The following NLRP1 variants were observed in gnomAD, a reference collection of about 807,000 sequenced individuals.
The protein encoded by NLRP1 is NACHT, LRR and PYD domains-containing protein 1.
A neutral mutation model predicts 136.7 loss-of-function variants in NLRP1; 94 were observed. That is an observed-to-expected ratio of 0.69 (90% confidence interval 0.58 to 0.82). NLRP1 has a LOEUF of 0.82. Ranked by LOEUF, NLRP1 falls within the 40% of genes least tolerant of loss-of-function variation. NLRP1 has a pLI of 0.00. For missense variants in NLRP1, 1,575 were observed against 1,802.7 expected, an observed-to-expected ratio of 0.87 and a Z score of 2.29; for synonymous variants, 690 against 725.1, an observed-to-expected ratio of 0.95 and a Z score of 0.78.
chr17:5,559,189 C>T lies in NLRP1; in HGVS notation c.1507G>A (p.Ala503Thr). The T allele has an allele frequency of 6.2e-7, 1 of 1,614,224 alleles. No homozygotes were observed. The change falls in exon 4 of 17, where the codon GCC becomes ACC. Residue 503 changes from alanine to threonine, a missense_variant. Ala to Thr is a moderately conservative substitution (Grantham distance 58, BLOSUM62 0). Coordinates refer to ENST00000572272, the MANE Select transcript of NLRP1 (RefSeq NM_033004.4). Reference protein sequence around the residue: ...YFTDERQAIRAFRLVKSNKEL... With the variant: ...YFTDERQAIRTFRLVKSNKEL... ...TTGTTTGATTTGACCAACCTAAAGGCTCTAATTGCTTGCCTTTCATCTGTG... is the reference window on the plus strand; with the variant it reads ...TTGTTTGATTTGACCAACCTAAAGGTTCTAATTGCTTGCCTTTCATCTGTG...
intron 8 of NLRP1, among the ~76,000 whole-genome samples, chr17:5,535,160 C>T (rs970947743): frequency 1.3e-5 from 2 of 151,860 alleles, no homozygotes; most frequent in Non-Finnish European, 2.9e-5. Context: ...GCAGAGGTTA[C>T]AGTGAGCCGA....
chr17:5,540,952 C>T (rs993198884), intron 6 of NLRP1, among the ~76,000 whole-genome samples: 6 of 152,178 alleles, frequency 3.9e-5, no homozygotes, highest in African/African-American at 1.4e-4. Context: ...GAAGGCAGCC[C>T]CCTGAGCGGG....
At chr17:5,536,741 G>A in intron 8 of NLRP1, 110 bp downstream of exon 8, 1 of 715,208 alleles carries the variant, frequency 1.4e-6, no homozygotes, top group Non-Finnish European at 2.5e-6. Flanking sequence ...CTGCTGTGGT[G>A]TCTGGGTTTC....
At chr17:5,531,179 T>C (rs968076134) in intron 11 of NLRP1, among the ~76,000 whole-genome samples, 5 of 118,174 alleles carry the variant, frequency 4.2e-5, no homozygotes, top group African/African-American at 1.1e-4. Flanking sequence ...ATCTAATCTA[T>C]CTATCTATCT....
chr17:5,512,117 C>T (rs530575248), downstream of NLRP1: 3 of 793,318 alleles, frequency 3.8e-6, no homozygotes, highest in African/African-American at 1.7e-5. Context: ...TCATAGTCTG[C>T]ACTTATTCCC....
At chr17:5,531,173 A>AATCTATCTATCTATCT (rs5819032) in intron 11 of NLRP1, among the ~76,000 whole-genome samples, 236 of 141,568 alleles carry the variant, frequency 1.7e-3, no homozygotes, top group East Asian at 3.8e-3. Flanking sequence ...TAATCTATCT[A>AATCTATCTATCTATCT]ATCTATCTAT....
At position 5,559,396 on chromosome 17, in the gene NLRP1, G is replaced by A; in HGVS notation, c.1300C>T (p.Gln434Ter). Residue 434 changes from glutamine to a stop codon, truncating the protein, a stop_gained, in exon 4 of 17, where the codon CAG becomes TAG. Coordinates refer to ENST00000572272, the MANE Select transcript of NLRP1 (RefSeq NM_033004.4). LOFTEE classifies it high-confidence loss of function. ...CTGCCCAGCAGTGCATCCGCCGGCT[G>A]TGGCTGGCTCCAGTGCAGACAGAGC... ...SELCLHWSQP[Q>*]PADALLGSLL... 1 of 1,614,112 alleles carries A rather than the reference G, an allele frequency of 6.2e-7. No homozygotes were observed. The highest frequency in any genetic ancestry group is 8.5e-7 in the Non-Finnish European group (1 of 1,179,982).
chr17:5,583,633 A>G lies in NLRP1; in HGVS notation c.271+54T>C. ...TGGTGGGGTCCCAAGAGGGCAGGGC[A>G]GGCATGAGGGCCAGGGGATGTCCCG... On this transcript the variant is annotated intron_variant, in intron 1 of 16. Coordinates refer to ENST00000572272, the MANE Select transcript of NLRP1 (RefSeq NM_033004.4). This position sits in a 1 kb window ranked among gnomAD's most constrained non-coding sequence, Gnocchi z 4.5. 1 of 1,515,482 alleles carries G rather than the reference A, an allele frequency of 6.6e-7. No homozygotes were observed. The highest frequency in any genetic ancestry group is 8.9e-7 in the Non-Finnish European group (1 of 1,124,282). The allele number at this position is 1,515,482 out of a possible 1,614,324, so 93.9% of individuals were successfully genotyped here. A position where few individuals can be genotyped will look rare whatever the true frequency, so the allele number is the denominator to read the frequency against.
At chr17:5,556,121 CA>C (rs2151798591) in intron 4 of NLRP1, among the ~76,000 whole-genome samples, 1 of 122,442 alleles carries the variant, frequency 8.2e-6, no homozygotes, top group East Asian at 2.5e-4. Flanking sequence ...TCTCTACACA[CA>C]CACACACACA....
intron 3 of NLRP1, among the ~76,000 whole-genome samples, chr17:5,576,761 G>C (rs548309691): frequency 6.6e-6 from 1 of 152,084 alleles, no homozygotes; most frequent in East Asian, 1.9e-4. Flanking sequence ...CTCATTTTAC[G>C]AGGCAAGCAT....
At chr17:5,533,486 GT>G in intron 9 of NLRP1, 102 bp from the exon 10 acceptor site, 2 of 648,142 alleles carry the variant, frequency 3.1e-6, no homozygotes, top group Non-Finnish European at 5.6e-6. Context: ...AGCTCAGAAG[GT>G]TTAGGCTGCA....
chr17:5,576,202 C>G (rs1905001315), intron 3 of NLRP1, among the ~76,000 whole-genome samples: 1 of 152,154 alleles, frequency 6.6e-6, no homozygotes, highest in East Asian at 1.9e-4. Flanking sequence ...ACCCTAACAT[C>G]ACAATAGAAA....
chr17:5,571,337 A>G (rs988016803), intron 3 of NLRP1, among the ~76,000 whole-genome samples: 4 of 152,218 alleles, frequency 2.6e-5, no homozygotes, highest in African/African-American at 9.6e-5. Context: ...TGCAGATGTT[A>G]TGATTTTATA....
chr17:5,533,988 C>T lies in NLRP1; in HGVS notation c.2961G>A (p.Arg987=), dbSNP rs1454732290. 2 of 1,602,732 alleles carry T rather than the reference C, an allele frequency of 1.2e-6. No homozygotes were observed. Among genetic ancestry groups the T allele is most frequent in the Admixed American group, 1.7e-5 (1 of 59,994 alleles). Reference sequence around the variant, plus strand: ...CAGTAGGGGTCATCACACTTGGTTTCCTGGACAAAGAATTGTTCATTCTGC... The same window carrying T: ...CAGTAGGGGTCATCACACTTGGTTTTCTGGACAAAGAATTGTTCATTCTGC... The part of the protein sequence containing the change: ...EKPQLLIFSR[R]KPSVMTPTEG... The change falls in exon 9 of 17, where the codon CGG becomes CGA. Residue 987 remains arginine, a splice_region_variant and synonymous_variant. Transcript: ENST00000572272.
At chr17:5,557,308 A>G (rs1188462934) in intron 4 of NLRP1, among the ~76,000 whole-genome samples, 4 of 147,730 alleles carry the variant, frequency 2.7e-5, no homozygotes, top group South Asian at 2.3e-4. Context: ...CCCAGCCTAC[A>G]TATCTTTTTT....
chr17:5,549,424 G>T (rs982622640), intron 5 of NLRP1, among the ~76,000 whole-genome samples: 1 of 151,934 alleles, frequency 6.6e-6, no homozygotes, highest in Non-Finnish European at 1.5e-5. Context: ...GACTGTGGGC[G>T]TGTGCCACCA....
At position 5,523,473 on chromosome 17, in the gene NLRP1, C is replaced by G. The variant is rs182763455; in HGVS notation, c.3521-1687G>C. On this transcript the variant is annotated intron_variant, in intron 12 of 16. Coordinates refer to ENST00000572272, the MANE Select transcript of NLRP1 (RefSeq NM_033004.4). ...GTCATTGGGTCACTATCTTCCCCCC[C>G]GCTTAGATTTGTTGCATAACCTTTT... 2.9e-3 allele frequency among the ~76,000 whole-genome samples: 439 copies of G among 152,298 alleles called. 1 individual carries two copies. Among genetic ancestry groups the G allele is most frequent in the African/African-American group, 9.1e-3 (380 of 41,568 alleles).
intron 8 of NLRP1, among the ~76,000 whole-genome samples, chr17:5,535,170 A>G (rs1239941196): frequency 1.3e-5 from 2 of 152,016 alleles, no homozygotes; most frequent in East Asian, 3.9e-4. Flanking sequence ...CAGTGAGCCG[A>G]GATCATGCCA....
intron 8 of NLRP1, among the ~76,000 whole-genome samples, chr17:5,536,104 G>A (rs893972556): frequency 6.6e-6 from 1 of 152,026 alleles, no homozygotes; most frequent in Non-Finnish European, 1.5e-5. Flanking sequence ...GCTGTGCTGG[G>A]TCCAGGGGAT....
Sources: allele counts gnomAD v4.1 joint callset (sites outside exome capture counted in the v4.1 genomes callset), GRCh38; gene constraint gnomAD v4.1.1; non-coding constraint Gnocchi (gnomAD v3.1); transcripts MANE v1.5; gene names NCBI Gene and HGNC (gene_info 2026-07-23, HGNC 2026-07-21).